Variants in VAT1L observed in about 807,000 individuals in gnomAD.
VAT1L encodes the protein vesicle amine transport 1 like.
Under a neutral mutation model 44.1 loss-of-function variants are expected in VAT1L, and 34 were observed. The observed-to-expected ratio is 0.77, with a 90% confidence interval of 0.59 to 1.03. The LOEUF (loss-of-function observed/expected upper bound fraction) is 1.03. VAT1L is among the 50% of genes least tolerant of loss of function. The probability of loss-of-function intolerance (pLI) is 0.00; values close to 1 mark genes in which losing one functional copy is unlikely to be tolerated. For missense variants in VAT1L, 615 were observed against 538.8 expected (o/e 1.14, Z -1.40); for synonymous variants, 253 against 202.2 (o/e 1.25, Z -2.13).
intron 7 of VAT1L, among the ~76,000 whole-genome samples, chr16:77,953,278 G>C (rs1245285527): frequency 6.6e-6 from 1 of 152,170 alleles, no homozygotes; most frequent in African/African-American, 2.4e-5. Context: ...AATTTCTGTT[G>C]TTTCAAGCCA....
chr16:77,916,569 G>A lies in VAT1L; in HGVS notation c.1077+31767G>A, dbSNP rs960203765. On this transcript the variant is annotated intron_variant, in intron 7 of 8. Transcript: ENST00000302536. ...TGGCCTCAAGCAATTCTCCCCAGTC[G>A]CTGGGACTACAGGCTTGCAACATTG... is the stretch of plus-strand genomic sequence containing the variant. Among the ~76,000 whole-genome samples, 3 of 152,120 alleles carry A rather than the reference G, an allele frequency of 2.0e-5. No homozygotes were observed. In the East Asian group the frequency reaches 5.8e-4, roughly 29 times the overall value.
intron 7 of VAT1L, among the ~76,000 whole-genome samples, chr16:77,971,460 T>C (rs529785773): frequency 9.2e-5 from 14 of 152,128 alleles, no homozygotes; most frequent in African/African-American, 1.4e-4. Context: ...TTAAATAACA[T>C]TGAAGTAAGC....
At chr16:77,825,752 C>G (rs2016512306) in intron 3 of VAT1L, among the ~76,000 whole-genome samples, 1 of 151,862 alleles carries the variant, frequency 6.6e-6, no homozygotes, top group South Asian at 2.1e-4. Flanking sequence ...CGCCGTGACT[C>G]ACGCCTGTAA....
chr16:77,871,263 A>C (rs983766090), intron 4 of VAT1L, among the ~76,000 whole-genome samples: 1 of 152,030 alleles, frequency 6.6e-6, no homozygotes, highest in African/African-American at 2.4e-5. Flanking sequence ...GACCTTCAAA[A>C]GGATGCAATG....
intron 7 of VAT1L, among the ~76,000 whole-genome samples, chr16:77,940,395 T>C (rs1361238297): frequency 7.1e-6 from 1 of 140,470 alleles, no homozygotes; most frequent in Non-Finnish European, 1.5e-5. Context: ...CCAGGTTGAA[T>C]TGCAGCGGCA....
intron 5 of VAT1L, 87 bp downstream of exon 5, chr16:77,876,560 T>A (rs932376879): frequency 1.3e-5 from 16 of 1,210,778 alleles, no homozygotes; most frequent in Non-Finnish European, 2.0e-5. Context: ...TGAATTGTGC[T>A]GATATGTTGG....
intron 2 of VAT1L, among the ~76,000 whole-genome samples, chr16:77,823,839 C>T (rs1181484797): frequency 6.6e-6 from 1 of 152,006 alleles, no homozygotes; most frequent in Non-Finnish European, 1.5e-5. Flanking sequence ...CATGGTGAAA[C>T]CCCGTCTCTA....
intron 4 of VAT1L, among the ~76,000 whole-genome samples, chr16:77,871,040 G>A (rs1334482830): frequency 6.6e-6 from 1 of 152,162 alleles, no homozygotes; most frequent in African/African-American, 2.4e-5. Context: ...GTCATAGAAG[G>A]GACTCAACAG....
chr16:77,925,581 C>T (rs148843084), intron 7 of VAT1L, among the ~76,000 whole-genome samples: 7 of 152,334 alleles, frequency 4.6e-5, no homozygotes, highest in African/African-American at 1.7e-4. Context: ...AGCGTTTTCA[C>T]TGCTTCCTTT....
At chr16:77,880,265 T>C (rs1418527397) in intron 6 of VAT1L, among the ~76,000 whole-genome samples, 1 of 152,036 alleles carries the variant, frequency 6.6e-6, no homozygotes, top group Non-Finnish European at 1.5e-5. Flanking sequence ...GTAGCAACCC[T>C]CCTGCTTCAG....
chr16:77,927,030 G>A (rs2017676691), intron 7 of VAT1L, among the ~76,000 whole-genome samples: 1 of 152,112 alleles, frequency 6.6e-6, no homozygotes, highest in South Asian at 2.1e-4. Context: ...TATTTCCTGA[G>A]GAATTAGTAC....
intron 5 of VAT1L, among the ~76,000 whole-genome samples, chr16:77,876,909 C>T (rs1250612011): frequency 6.6e-6 from 1 of 152,194 alleles, no homozygotes; most frequent in Non-Finnish European, 1.5e-5. Context: ...AAAGTACACA[C>T]TCTGCTTCCC....
At chr16:77,821,863 A>C (rs1411642822) in intron 2 of VAT1L, among the ~76,000 whole-genome samples, 2 of 152,144 alleles carry the variant, frequency 1.3e-5, no homozygotes, top group Non-Finnish European at 2.9e-5. Context: ...AGTTTTGGAG[A>C]AAAGAACATT....
intron 7 of VAT1L, among the ~76,000 whole-genome samples, chr16:77,929,001 G>C (rs1185815248): frequency 2.0e-5 from 3 of 152,272 alleles, no homozygotes; most frequent in Non-Finnish European, 4.4e-5. Context: ...ATTTTTAGTA[G>C]AGATGGGGTT....
chr16:77,907,332 T>A (rs17775098), intron 7 of VAT1L, among the ~76,000 whole-genome samples: 1 of 152,174 alleles, frequency 6.6e-6, no homozygotes, highest in Admixed American at 6.5e-5. Context: ...TCACTTTTGC[T>A]GGTCTCCTGT....
chr16:77,871,453 G>T (rs2017032013), intron 4 of VAT1L, among the ~76,000 whole-genome samples: 1 of 152,170 alleles, frequency 6.6e-6, no homozygotes, highest in South Asian at 2.1e-4. Context: ...TCTCATCCCT[G>T]CTAGGTACCT....
At chr16:77,938,761 G>A (rs2017836515) in intron 7 of VAT1L, among the ~76,000 whole-genome samples, 1 of 152,138 alleles carries the variant, frequency 6.6e-6, no homozygotes, top group African/African-American at 2.4e-5. Context: ...AAATTACCCA[G>A]TCTCAGGTAT....
chr16:77,800,335 G>C (rs1477517736), intron 1 of VAT1L: 1 of 152,172 alleles, frequency 6.6e-6, no homozygotes, highest in African/African-American at 2.4e-5. Context: ...CAGGCCCAAT[G>C]ACTGTTATTT....
rs188515712 is a variant in VAT1L, at chr16:77,937,620, G to T, written c.1078-34230G>T. 4.6e-5 allele frequency among the ~76,000 whole-genome samples: 7 copies of T among 152,374 alleles called. No individual in the cohort carries two copies. In the South Asian group the frequency reaches 8.3e-4, roughly 18 times the overall value. On this transcript the variant is annotated intron_variant, in intron 7 of 8. Coordinates refer to ENST00000302536, the MANE Select transcript of VAT1L (RefSeq NM_020927.3). Reference sequence around the variant, plus strand: ...TAGAAAGGGAGCTGGAACTTAAAGTGGTGATGCTTGTCTGAAATGACGGTG... The same window carrying T: ...TAGAAAGGGAGCTGGAACTTAAAGTTGTGATGCTTGTCTGAAATGACGGTG...
Sources: gnomAD v4.1 joint callset for allele counts (sites outside exome capture counted in the v4.1 genomes callset) on GRCh38, gnomAD v4.1.1 for gene constraint, MANE v1.5 for transcripts, NCBI Gene and HGNC (gene_info 2026-07-23, HGNC 2026-07-21) for gene names.